ITPK1: variants seen among roughly 807,000 people sequenced by gnomAD.
ITPK1 encodes inositol-tetrakisphosphate 1-kinase, also known as inositol 1,3,4-trisphosphate 5/6-kinase.
Under a neutral mutation model 45.3 loss-of-function variants are expected in ITPK1, and 21 were observed. That is an observed-to-expected ratio of 0.46 (90% confidence interval 0.33 to 0.67). The LOEUF (loss-of-function observed/expected upper bound fraction) is 0.67. ITPK1 is among the 30% of genes least tolerant of loss of function. The probability of loss-of-function intolerance (pLI) is 0.02; values close to 1 mark genes in which losing one functional copy is unlikely to be tolerated. For missense variants in ITPK1, 474 were observed against 573.5 expected, an observed-to-expected ratio of 0.83 and a Z score of 1.77; for synonymous variants, 258 against 253.6, an observed-to-expected ratio of 1.02 and a Z score of -0.16.
intron 3 of ITPK1, chr14:93,071,515 TC>T (rs1172152367): frequency 6.6e-6 from 1 of 152,268 alleles, no homozygotes; most frequent in African/African-American, 2.4e-5. Context: ...AAATTTCTCA[TC>T]ATAAGTCTAA....
intron 3 of ITPK1, among the ~76,000 whole-genome samples, chr14:93,023,292 C>T (rs1241002762): frequency 6.6e-6 from 1 of 152,154 alleles, no homozygotes; most frequent in Non-Finnish European, 1.5e-5. Flanking sequence ...CAGAACATGC[C>T]GTTTCCTGGG....
At position 93,063,474 on chromosome 14, in the gene ITPK1, C is replaced by T. The variant is rs1890616974; in HGVS notation, c.120+13121G>A. 6.6e-6 allele frequency among the ~76,000 whole-genome samples: 1 copy of T among 152,246 alleles called. No individual in the cohort carries two copies. Among genetic ancestry groups the T allele is most frequent in the Non-Finnish European group, 1.5e-5 (1 of 68,046 alleles). ...CAGCACACTAAGCCCTGTCCCTGACCTCAGGCTACCCACGCTTCTCCTACG... is the reference window on the plus strand; with the variant it reads ...CAGCACACTAAGCCCTGTCCCTGACTTCAGGCTACCCACGCTTCTCCTACG... On this transcript the variant is annotated intron_variant, in intron 3 of 10. Coordinates refer to ENST00000267615, the MANE Select transcript of ITPK1 (RefSeq NM_014216.6). The surrounding 1 kb of genome is among the most constrained non-coding windows in gnomAD (Gnocchi z 4.3).
chr14:92,948,829 A>G (rs1450659913), intron 9 of ITPK1, among the ~76,000 whole-genome samples: 2 of 120,154 alleles, frequency 1.7e-5, no homozygotes, highest in East Asian at 2.4e-4. Flanking sequence ...ATGCCCGGGC[A>G]CCACCCACGC....
rs550023416 is a variant in ITPK1 at position 92,993,766 on chromosome 14, C to T, written c.364+114G>A. 17 of 697,798 alleles carry T rather than the reference C, an allele frequency of 2.4e-5. No homozygotes were observed. In the South Asian group the frequency reaches 2.8e-4, roughly 11 times the overall value. 43.2% of individuals were successfully genotyped at this position (697,798 alleles called of 1,614,324 possible). A position where few individuals can be genotyped will look rare whatever the true frequency, so the allele number is the denominator to read the frequency against. On this transcript the variant is annotated intron_variant, in intron 5 of 10. Coordinates refer to ENST00000267615, the MANE Select transcript of ITPK1 (RefSeq NM_014216.6). ...CACCATGGAATTCAAATGCTTCCTG[C>T]CCCAAAGTGCTTAAAAAGACAAGAC...
intron 2 of ITPK1, among the ~76,000 whole-genome samples, chr14:93,103,290 G>T (rs527529136): frequency 4.6e-5 from 7 of 151,580 alleles, no homozygotes; most frequent in Non-Finnish European, 1.0e-4. Context: ...GTGGTGGCGC[G>T]TGCTTGTAAT....
intron 4 of ITPK1, among the ~76,000 whole-genome samples, chr14:93,004,410 T>C (rs1245564510): frequency 1.3e-5 from 2 of 152,156 alleles, no homozygotes; most frequent in Non-Finnish European, 2.9e-5. Context: ...CAGCAGACAC[T>C]TGGGTCTTAA....
intron 5 of ITPK1, among the ~76,000 whole-genome samples, chr14:92,985,990 C>T (rs1446311587): frequency 6.6e-6 from 1 of 152,178 alleles, no homozygotes; most frequent in African/African-American, 2.4e-5. Context: ...GATCTGAACC[C>T]AGGCAGTCTG....
At chr14:93,112,874 GTC>G (rs1257795992) in intron 2 of ITPK1, among the ~76,000 whole-genome samples, 2 of 152,218 alleles carry the variant, frequency 1.3e-5, no homozygotes, top group Non-Finnish European at 2.9e-5. Context: ...CCTTTGCACT[GTC>G]TCTCAGCCAC....
intron 3 of ITPK1, among the ~76,000 whole-genome samples, chr14:93,061,839 C>G (rs1002512938): frequency 1.3e-5 from 2 of 152,154 alleles, no homozygotes; most frequent in South Asian, 2.1e-4. Flanking sequence ...CCAAGGGAAT[C>G]AAAGAACTTC....
At chr14:92,963,691 G>T (rs915208155) in intron 5 of ITPK1, among the ~76,000 whole-genome samples, 2 of 152,216 alleles carry the variant, frequency 1.3e-5, no homozygotes, top group South Asian at 2.1e-4. Flanking sequence ...CTCAAAAGCT[G>T]ACCTGTTCTG....
Position 92,940,671 on chromosome 14 carries a change from A to C in ITPK1, c.*890T>G. The C allele has an allele frequency of 7.9e-7, 1 of 1,270,988 alleles. No homozygotes were observed. The highest frequency in any genetic ancestry group is 1.0e-6 in the Non-Finnish European group (1 of 979,964). The allele number at this position is 1,270,988 out of a possible 1,614,324, so 78.7% of individuals were successfully genotyped here. A position where few individuals can be genotyped will look rare whatever the true frequency, so the allele number is the denominator to read the frequency against. On this transcript the variant is annotated 3_prime_UTR_variant, in exon 11 of 11. Transcript: ENST00000267615. ...GCTGCATCCCAGGGGTTAGGGCACAAAGCCAGCCCTGTGGTGCTCTCTGAT... is the reference window on the plus strand; with the variant it reads ...GCTGCATCCCAGGGGTTAGGGCACACAGCCAGCCCTGTGGTGCTCTCTGAT...
In ITPK1 at chr14:92,940,174, T is replaced by C. The variant is rs1887290088; in HGVS notation, c.*1387A>G. ...GGCTCGGGGGCCTCTCTCGGGACAC[T>C]CAGCACTTTCTCTAGCGTCCTCCAT... On this transcript the variant is annotated 3_prime_UTR_variant, in exon 11 of 11. Coordinates refer to ENST00000267615, the MANE Select transcript of ITPK1 (RefSeq NM_014216.6). The C allele has an allele frequency of 1.0e-6, 1 of 985,734 alleles. No homozygotes were observed. Among genetic ancestry groups the C allele is most frequent in the African/African-American group, 1.7e-5 (1 of 57,352 alleles). The allele number at this position is 985,734 out of a possible 1,614,324, so 61.1% of individuals were successfully genotyped here. A position where few individuals can be genotyped will look rare whatever the true frequency, so the allele number is the denominator to read the frequency against.
rs2139685544 is a variant in ITPK1 at position 92,940,009 on chromosome 14, GGTTA to G, written c.*1548_*1551del. 2 of 985,874 alleles carry G rather than the reference GGTTA, an allele frequency of 2.0e-6. No homozygotes were observed. Among genetic ancestry groups the G allele is most frequent in the East Asian group, 1.1e-4 (1 of 8,808 alleles). The allele number at this position is 985,874 out of a possible 1,614,324, so 61.1% of individuals were successfully genotyped here. On this transcript the variant is annotated 3_prime_UTR_variant, in exon 11 of 11. Transcript: ENST00000267615. The stretch of plus-strand genomic sequence containing the variant: ...TTCAAAACTCAAGTCGTGTAAACGT[GGTTA>G]GTTGTTGGGTCCTCAGTTTCCAAAA...
At chr14:92,943,505 G>A (rs1472526598) in intron 10 of ITPK1, among the ~76,000 whole-genome samples, 1 of 152,242 alleles carries the variant, frequency 6.6e-6, no homozygotes, top group Non-Finnish European at 1.5e-5. Flanking sequence ...GGCAGGGTAG[G>A]TGTCCCGGGC....
In ITPK1 at chr14:93,104,864, C is replaced by T. The variant is rs148242931; in HGVS notation, c.95+10205G>A. Among the ~76,000 whole-genome samples, 1,234 of 147,592 alleles carry T rather than the reference C, an allele frequency of 8.4e-3. 10 individuals carry two copies. The highest frequency in any genetic ancestry group is 0.013 in the Non-Finnish European group (877 of 65,356). On this transcript the variant is annotated intron_variant, in intron 2 of 10. Coordinates refer to ENST00000267615, the MANE Select transcript of ITPK1 (RefSeq NM_014216.6). Reference sequence around the variant, plus strand: ...CAGTTTCTGGCTTGGGCTCCAAGAGCGCCCAGAGTGACCCCAGGCTAATAA... The same window carrying T: ...CAGTTTCTGGCTTGGGCTCCAAGAGTGCCCAGAGTGACCCCAGGCTAATAA...
At chr14:93,038,334 CA>C (rs1345927357) in intron 3 of ITPK1, among the ~76,000 whole-genome samples, 1 of 152,066 alleles carries the variant, frequency 6.6e-6, no homozygotes, top group African/African-American at 2.4e-5. Flanking sequence ...CACGTCCAGC[CA>C]ACATTGCATA....
intron 8 of ITPK1, among the ~76,000 whole-genome samples, chr14:92,956,680 C>A (rs1032769974): frequency 1.3e-5 from 2 of 152,126 alleles, no homozygotes; most frequent in African/African-American, 4.8e-5. Flanking sequence ...GATGGAGTGA[C>A]CTGGGTAAAA....
At chr14:92,953,064 C>T (rs920999470) in intron 8 of ITPK1, among the ~76,000 whole-genome samples, 8 of 152,316 alleles carry the variant, frequency 5.3e-5, no homozygotes, top group African/African-American at 1.7e-4. Flanking sequence ...GGCACCCAGG[C>T]GCCTATGTGC....
chr14:93,021,459 G>A (rs1888455100), intron 3 of ITPK1, among the ~76,000 whole-genome samples: 1 of 152,088 alleles, frequency 6.6e-6, no homozygotes, highest in Admixed American at 6.5e-5. Flanking sequence ...CAGGTGTGGT[G>A]GTGTGCACCT....
Sources: gnomAD v4.1 joint callset for allele counts (sites outside exome capture counted in the v4.1 genomes callset) on GRCh38, gnomAD v4.1.1 for gene constraint, Gnocchi (gnomAD v3.1) non-coding constraint, MANE v1.5 for transcripts, NCBI Gene and HGNC (gene_info 2026-07-23, HGNC 2026-07-21) for gene names.